The following EYS variants were observed in gnomAD, a reference collection of about 807,000 sequenced individuals.
The protein encoded by EYS is EGF-like photoreceptor maintenance factor.
Under a neutral mutation model 282.1 loss-of-function variants are expected in EYS, and 250 were observed. The observed-to-expected ratio is 0.89, with a 90% CI of 0.80 to 0.98. EYS has a LOEUF of 0.98. Ranked by LOEUF, EYS falls within the 50% of genes least tolerant of loss-of-function variation. The pLI is 0.00. For missense variants in EYS, 4,016 were observed against 3,709.0 expected (o/e 1.08, Z -2.15); for synonymous variants, 1,355 against 1,282.9 (o/e 1.06, Z -1.20).
At chr6:65,354,911 TTATGA>T (rs1396459766) in intron 8 of EYS, among the ~76,000 whole-genome samples, 5 of 152,120 alleles carry the variant, frequency 3.3e-5, no homozygotes, top group East Asian at 1.9e-4. Flanking sequence ...AAATACAATT[TTATGA>T]TATATTTCCA....
At chr6:64,044,294 C>T (rs1263054737) in intron 33 of EYS, among the ~76,000 whole-genome samples, 1 of 152,176 alleles carries the variant, frequency 6.6e-6, no homozygotes, top group Non-Finnish European at 1.5e-5. Flanking sequence ...GCCTTGATCA[C>T]TGGTTAAATT....
chr6:63,738,409 G>A (rs1004542101), intron 41 of EYS, among the ~76,000 whole-genome samples: 1 of 151,810 alleles, frequency 6.6e-6, no homozygotes, highest in East Asian at 1.9e-4. Flanking sequence ...ATGCAGCCAT[G>A]AAAAATGATG....
chr6:64,573,034 C>T (rs188633019), intron 26 of EYS, among the ~76,000 whole-genome samples: 1 of 152,230 alleles, frequency 6.6e-6, no homozygotes, highest in East Asian at 1.9e-4. Context: ...TGCTACAAGG[C>T]TACCATTACC....
chr6:64,869,277 C>T (rs549284587), intron 19 of EYS, among the ~76,000 whole-genome samples: 78 of 151,510 alleles, frequency 5.1e-4, no homozygotes, highest in African/African-American at 1.7e-3. Context: ...TCTGAATTAA[C>T]TAAAAATACA....
At chr6:63,992,568 A>G (rs1420130516) in intron 34 of EYS, among the ~76,000 whole-genome samples, 1 of 151,804 alleles carries the variant, frequency 6.6e-6, no homozygotes, top group African/African-American at 2.4e-5. Context: ...TTACCTTAAA[A>G]TGTAAATGTA....
At chr6:64,201,566 C>T (rs554662311) in intron 31 of EYS, among the ~76,000 whole-genome samples, 1 of 151,916 alleles carries the variant, frequency 6.6e-6, no homozygotes, top group South Asian at 2.1e-4. Context: ...AAATTAATGA[C>T]CTGGAATATA....
At chr6:64,796,672 T>G (rs560048415) in intron 22 of EYS, among the ~76,000 whole-genome samples, 1 of 152,262 alleles carries the variant, frequency 6.6e-6, no homozygotes, top group South Asian at 2.1e-4. Context: ...ACTTCCATAT[T>G]TGGTCAAGTA....
chr6:65,609,970 G>A (rs536603201), intron 2 of EYS, among the ~76,000 whole-genome samples: 19 of 152,202 alleles, frequency 1.2e-4, no homozygotes, highest in African/African-American at 4.6e-4. Flanking sequence ...TGCAATTTTA[G>A]GTCATTGCAG....
At chr6:64,390,334 C>T (rs1773074053) in intron 28 of EYS, among the ~76,000 whole-genome samples, 1 of 152,164 alleles carries the variant, frequency 6.6e-6, no homozygotes, top group African/African-American at 2.4e-5. Flanking sequence ...CACGGACAAA[C>T]AAAAAGACAG....
chr6:64,028,984 A>C (rs1423611555), intron 33 of EYS, among the ~76,000 whole-genome samples: 1 of 152,182 alleles, frequency 6.6e-6, no homozygotes, highest in African/African-American at 2.4e-5. Context: ...ACATTAAAAC[A>C]GTTGAGGGGG....
chr6:63,872,705 T>G (rs1310656244), intron 35 of EYS, among the ~76,000 whole-genome samples: 1 of 152,120 alleles, frequency 6.6e-6, no homozygotes, highest in African/African-American at 2.4e-5. Flanking sequence ...TCTCAACTCC[T>G]GACCTCAGGT....
chr6:65,157,798 C>T (rs189014186), intron 12 of EYS, among the ~76,000 whole-genome samples: 1 of 149,996 alleles, frequency 6.7e-6, no homozygotes, highest in East Asian at 2.0e-4. Context: ...GGTTTTTTCC[C>T]CCCATATTAT....
chr6:65,583,506 T>C (rs890543469), intron 2 of EYS, among the ~76,000 whole-genome samples: 22 of 152,080 alleles, frequency 1.4e-4, no homozygotes, highest in Non-Finnish European at 1.3e-4. Flanking sequence ...AATATTTTAA[T>C]TCTATGACTC....
At chr6:65,444,085 A>C (rs976092396) in intron 5 of EYS, among the ~76,000 whole-genome samples, 1 of 151,990 alleles carries the variant, frequency 6.6e-6, no homozygotes. Context: ...GTTTTATTAG[A>C]AGGACATTAA....
intron 28 of EYS, among the ~76,000 whole-genome samples, chr6:64,400,870 T>C (rs1301307050): frequency 6.6e-6 from 1 of 152,108 alleles, no homozygotes; most frequent in Non-Finnish European, 1.5e-5. Context: ...CTTACAGTGA[T>C]TGTTCAGGTT....
chr6:64,661,499 G>T (rs1337358360), intron 22 of EYS, among the ~76,000 whole-genome samples: 1 of 152,062 alleles, frequency 6.6e-6, no homozygotes, highest in Non-Finnish European at 1.5e-5. Flanking sequence ...CTGACAAAGG[G>T]CTAATATCCA....
At chr6:65,675,053 A>G (rs142487957) in intron 1 of EYS, among the ~76,000 whole-genome samples, 85 of 152,084 alleles carry the variant, frequency 5.6e-4, no homozygotes, top group African/African-American at 1.8e-3. Context: ...AGATTGTTAT[A>G]ATTATAAGAC....
chr6:65,383,629 G>T (rs1189094778), intron 8 of EYS, among the ~76,000 whole-genome samples: 1 of 149,214 alleles, frequency 6.7e-6, no homozygotes, highest in Non-Finnish European at 1.5e-5. Context: ...AGTTCCCTTT[G>T]TACTCTCCCT....
In EYS at chr6:64,330,488, A is replaced by G. The variant is rs562987634; in HGVS notation, c.6079-23406T>C. On this transcript the variant is annotated intron_variant, in intron 29 of 42. Transcript: ENST00000503581. Reference sequence around the variant, plus strand: ...AAAGAAATCAAGAAGGCCTTGATCCAGGTCCCAGCATTGGAACTGCCAGAC... The same window carrying G: ...AAAGAAATCAAGAAGGCCTTGATCCGGGTCCCAGCATTGGAACTGCCAGAC... Among the ~76,000 whole-genome samples the G allele has an allele frequency of 2.6e-5, 4 of 152,358 alleles. No individual in the cohort carries two copies. The South Asian group carries it at 8.3e-4, about 32-fold the overall frequency.
Sources: gnomAD v4.1 joint callset for allele counts (sites outside exome capture counted in the v4.1 genomes callset) on GRCh38, gnomAD v4.1.1 for gene constraint, MANE v1.5 for transcripts, NCBI Gene and HGNC (gene_info 2026-07-23, HGNC 2026-07-21) for gene names.